Variants in PIRT observed in about 807,000 individuals in gnomAD.
PIRT encodes the protein phosphoinositide interacting regulator of transient receptor potential channels.
PIRT carries 6 observed loss-of-function variants against 7.9 expected under a neutral mutation model. The observed-to-expected ratio is 0.76, with a 90% CI of 0.42 to 1.51. The LOEUF (loss-of-function observed/expected upper bound fraction) is 1.51, where lower values mean the gene tolerates loss of function less well. PIRT is among the 40% of genes most tolerant of loss of function. The pLI is 0.01. For synonymous variants in PIRT, 78 were observed against 71.8 expected (o/e 1.09, Z -0.44); for missense variants, 170 against 172.9 (o/e 0.98, Z 0.09).
intron 1 of PIRT, among the ~76,000 whole-genome samples, chr17:10,830,237 A>C (rs989926216): frequency 6.6e-6 from 1 of 152,226 alleles, no homozygotes. Flanking sequence ...AGGAGCATCT[A>C]TAAACAGAAG....
chr17:10,831,912 A>G (rs1905471713), intron 1 of PIRT, among the ~76,000 whole-genome samples: 1 of 152,108 alleles, frequency 6.6e-6, no homozygotes, highest in Non-Finnish European at 1.5e-5. Context: ...TCTCCCCTGG[A>G]GGCCAGTTTG....
intron 1 of PIRT, among the ~76,000 whole-genome samples, chr17:10,827,204 G>A (rs771043652): frequency 5.8e-4 from 88 of 152,080 alleles, no homozygotes; most frequent in Non-Finnish European, 1.1e-3. Context: ...CTATTCTCAG[G>A]CCTGGAAAGG....
At chr17:10,837,197 C>T (rs371105105) in intron 1 of PIRT, among the ~76,000 whole-genome samples, 67 of 152,342 alleles carry the variant, frequency 4.4e-4, no homozygotes, top group African/African-American at 1.5e-3. Flanking sequence ...TTGGGCCACC[C>T]GGCTGGTGCC....
At chr17:10,836,638 G>A (rs1468387900) in intron 1 of PIRT, among the ~76,000 whole-genome samples, 1 of 152,162 alleles carries the variant, frequency 6.6e-6, no homozygotes, top group Non-Finnish European at 1.5e-5. Context: ...GGCCCTTCCT[G>A]AGCTTCTGCC....
intron 1 of PIRT, among the ~76,000 whole-genome samples, 171 bp from the exon 2 acceptor site, chr17:10,825,954 T>C (rs946983504): frequency 6.6e-6 from 1 of 152,022 alleles, no homozygotes; most frequent in African/African-American, 2.4e-5. Context: ...AGTTATAGTT[T>C]TTTGTTTGTT....
chr17:10,823,538 A>G lies in PIRT; in HGVS notation c.*1694T>C, dbSNP rs1235379761. 2 of 152,346 alleles carry G rather than the reference A, an allele frequency of 1.3e-5. No homozygotes were observed. Among genetic ancestry groups the G allele is most frequent in the African/African-American group, 4.8e-5 (2 of 41,460 alleles). 9.4% of individuals were successfully genotyped at this position (152,346 alleles called of 1,614,324 possible). A position where few individuals can be genotyped will look rare whatever the true frequency, so the allele number is the denominator to read the frequency against. ...GGCCATGGTGACTGGGAAGGCCACA[A>G]GGCTGAGGAGTGAAGAGAATTAGCT... On this transcript the variant is annotated 3_prime_UTR_variant, in exon 2 of 2. Coordinates refer to ENST00000580256, the MANE Select transcript of PIRT (RefSeq NM_001101387.2).
rs181679714 is a variant in PIRT at position 10,825,220 on chromosome 17, C to T, written c.*12G>A. The T allele has an allele frequency of 1.7e-5, 27 of 1,610,830 alleles. No individual in the cohort carries two copies. The highest frequency in any genetic ancestry group is 4.5e-5 in the East Asian group (2 of 44,848). On this transcript the variant is annotated 3_prime_UTR_variant, in exon 2 of 2. Coordinates refer to ENST00000580256, the MANE Select transcript of PIRT (RefSeq NM_001101387.2). ...TCCCAGTCAAGGTGGCAGGGAGATG[C>T]GGAAACCACCATCAGCGAGTCAGGA...
In PIRT at chr17:10,824,658, G is replaced by A. The variant is rs1905272067; in HGVS notation, c.*574C>T. 1 of 154,008 alleles carries A rather than the reference G, an allele frequency of 6.5e-6. No individual in the cohort carries two copies. Among genetic ancestry groups the A allele is most frequent in the Admixed American group, 6.4e-5 (1 of 15,678 alleles). The allele number at this position is 154,008 out of a possible 1,614,324, so 9.5% of individuals were successfully genotyped here. A position where few individuals can be genotyped will look rare whatever the true frequency, so the allele number is the denominator to read the frequency against. On this transcript the variant is annotated 3_prime_UTR_variant, in exon 2 of 2. Coordinates refer to ENST00000580256, the MANE Select transcript of PIRT (RefSeq NM_001101387.2). ...CATGTCCAGGGGCACGTGCCATCTT[G>A]GAGAGTATTTTTCCCAGGCCTCCCT...
At chr17:10,828,446 T>C (rs889411310) in intron 1 of PIRT, among the ~76,000 whole-genome samples, 9 of 152,216 alleles carry the variant, frequency 5.9e-5, no homozygotes, top group Admixed American at 3.9e-4. Context: ...GTTGGGCTAC[T>C]CAACGCCCCA....
chr17:10,831,614 A>G (rs1427734805), intron 1 of PIRT, among the ~76,000 whole-genome samples: 2 of 152,196 alleles, frequency 1.3e-5, no homozygotes, highest in Non-Finnish European at 2.9e-5. Context: ...CAACCCCACT[A>G]ACACCTTAAT....
rs995776233 is a variant in PIRT, at chr17:10,825,470, A to T, written c.176T>A (p.Met59Lys). ...AAGCAGGATGGCACCGCCCACTGAC[A>T]TGATAACGATGGGCTTGCGGTAGAT... ...WEIYRKPIVI[M>K]SVGGAILLFG... is the part of the protein sequence containing the mutation. The change falls in exon 2 of 2, where the codon ATG becomes AAG. Residue 59 changes from methionine to lysine, a missense_variant. By Grantham distance (95) the Met-to-Lys change is moderately conservative. Coordinates refer to ENST00000580256, the MANE Select transcript of PIRT (RefSeq NM_001101387.2). 1.1e-5 allele frequency: 17 copies of T among 1,613,840 alleles called. No individual in the cohort carries two copies. Among genetic ancestry groups the T allele is most frequent in the Non-Finnish European group, 1.4e-5 (17 of 1,179,886 alleles).
At chr17:10,827,945 C>T (rs1905372633) in intron 1 of PIRT, among the ~76,000 whole-genome samples, 1 of 152,112 alleles carries the variant, frequency 6.6e-6, no homozygotes, top group Non-Finnish European at 1.5e-5. Flanking sequence ...AAGTTACTGC[C>T]CTGATTCATC....
intron 1 of PIRT, among the ~76,000 whole-genome samples, chr17:10,835,711 G>A (rs1242349535): frequency 6.6e-6 from 1 of 152,216 alleles, no homozygotes; most frequent in Non-Finnish European, 1.5e-5. Flanking sequence ...GGCCAGCAAG[G>A]GGCCTGTGGC....
chr17:10,828,547 C>A (rs761900472), intron 1 of PIRT, among the ~76,000 whole-genome samples: 38 of 152,218 alleles, frequency 2.5e-4, no homozygotes, highest in Non-Finnish European at 4.0e-4. Context: ...GGAAGGTGGG[C>A]TATTCATCCT....
rs200870025 is a variant in PIRT at position 10,825,565 on chromosome 17, G to A, written c.81C>T (p.Thr27=). 360 of 1,592,796 alleles carry A rather than the reference G, an allele frequency of 2.3e-4. No individual in the cohort carries two copies. Among genetic ancestry groups the A allele is most frequent in the Admixed American group, 7.1e-4 (40 of 56,474 alleles). Reference sequence around the variant, plus strand: ...TGGAGCTGATGCACAGGGAGCTGGCGGTCTGGCTGGGCAGCAGGTCCTTGG... The same window carrying A: ...TGGAGCTGATGCACAGGGAGCTGGCAGTCTGGCTGGGCAGCAGGTCCTTGG... ...PEAKDLLPSQ[T]ASSLCISSRS... The change falls in exon 2 of 2, where the codon ACC becomes ACT. Residue 27 remains threonine (T), a synonymous_variant. Coordinates refer to ENST00000580256, the MANE Select transcript of PIRT (RefSeq NM_001101387.2).
At chr17:10,828,276 G>T (rs1461301777) in intron 1 of PIRT, among the ~76,000 whole-genome samples, 3 of 152,082 alleles carry the variant, frequency 2.0e-5, no homozygotes, top group African/African-American at 7.2e-5. Flanking sequence ...AGGGTCCCTT[G>T]CCTGCTTGGG....
At chr17:10,837,795 A>G (rs1420692541) in intron 1 of PIRT, 150 bp downstream of exon 1, 1 of 152,306 alleles carries the variant, frequency 6.6e-6, no homozygotes, top group African/African-American at 2.4e-5. Context: ...ACCCCCTCCC[A>G]GGGCATAGCC....
chr17:10,837,578 C>A (rs1459978874), intron 1 of PIRT, among the ~76,000 whole-genome samples: 2 of 152,118 alleles, frequency 1.3e-5, no homozygotes, highest in African/African-American at 4.8e-5. Context: ...TTTGCTTCTT[C>A]CACTTAGATT....
chr17:10,837,217 G>A (rs1905612206), intron 1 of PIRT, among the ~76,000 whole-genome samples: 1 of 152,252 alleles, frequency 6.6e-6, no homozygotes, highest in South Asian at 2.1e-4. Context: ...CCAGACCCTG[G>A]CCAGTGACAG....
Sources: allele counts gnomAD v4.1 joint callset (sites outside exome capture counted in the v4.1 genomes callset), GRCh38; gene constraint gnomAD v4.1.1; transcripts MANE v1.5; gene names NCBI Gene and HGNC (gene_info 2026-07-23, HGNC 2026-07-21).